The following AGXT2 variants were observed in gnomAD, a reference collection of about 807,000 sequenced individuals.
AGXT2 encodes alanine--glyoxylate aminotransferase 2, mitochondrial.
AGXT2 carries 61 observed loss-of-function variants against 62.5 expected under a neutral mutation model. That is an observed-to-expected ratio of 0.98 (90% CI 0.79 to 1.21). The LOEUF (loss-of-function observed/expected upper bound fraction) is 1.21. Ranked by LOEUF, AGXT2 falls within the 50% of genes most tolerant of loss-of-function variation. AGXT2 has a pLI of 0.00. For synonymous variants in AGXT2, 243 were observed against 218.7 expected (o/e 1.11, Z -0.98); for missense variants, 666 against 641.5 (o/e 1.04, Z -0.41).
In AGXT2 at chr5:35,006,042, A is replaced by G. The variant is rs1225127214; in HGVS notation, c.1339-2181T>C. ...CATGTTTTAAAAAATAAGTCATTTA[A>G]TAACGTTTGGCAATTTCCTTTTAAT... is the stretch of plus-strand genomic sequence containing the variant. On this transcript the variant is annotated intron_variant, in intron 12 of 13. Transcript: ENST00000231420. Among the ~76,000 whole-genome samples the G allele has an allele frequency of 3.3e-5, 5 of 152,148 alleles. No individual in the cohort carries two copies. The East Asian group carries it at 9.7e-4, about 29-fold the overall frequency.
rs183816070 is a variant in AGXT2 at position 35,011,367 on chromosome 5, T to C, written c.1189-1218A>G. 6.0e-5 allele frequency among the ~76,000 whole-genome samples: 9 copies of C among 149,978 alleles called. No individual in the cohort carries two copies. The Admixed American group carries it at 6.1e-4, about 10-fold the overall frequency. ...CCCAGCTACTTGGGATGCTGAGGCA[T>C]GAGAATCGCTTGAACCTGGGAGGCA... On this transcript the variant is annotated intron_variant, in intron 11 of 13. Coordinates refer to ENST00000231420, the MANE Select transcript of AGXT2 (RefSeq NM_031900.4).
At chr5:35,026,534 A>AGC in intron 7 of AGXT2, 24 bp from the exon 8 acceptor site, 1 of 1,589,110 alleles carries the variant, frequency 6.3e-7, no homozygotes, top group Non-Finnish European at 8.6e-7. Context: ...ACAACAAAAC[A>AGC]AAACAAACCA....
intron 1 of AGXT2, among the ~76,000 whole-genome samples, chr5:35,045,969 G>T (rs1467114651): frequency 6.6e-6 from 1 of 151,798 alleles, no homozygotes; most frequent in Non-Finnish European, 1.5e-5. Flanking sequence ...GGGTTTCCCC[G>T]TGTTAGCCAG....
chr5:35,039,565 T>C, intron 2 of AGXT2, 57 bp from the exon 3 acceptor site: 1 of 1,571,694 alleles, frequency 6.4e-7, no homozygotes, highest in South Asian at 1.1e-5. Context: ...TAGCAGTCAA[T>C]CTATGAGTAA....
chr5:35,010,610 G>A (rs1561214487), intron 11 of AGXT2, among the ~76,000 whole-genome samples: 3 of 152,232 alleles, frequency 2.0e-5, no homozygotes, highest in African/African-American at 4.8e-5. Flanking sequence ...GCTTGAATCC[G>A]GGAGGAGGAG....
At chr5:35,019,300 C>T in intron 9 of AGXT2, among the ~76,000 whole-genome samples, 1 of 149,306 alleles carries the variant, frequency 6.7e-6, no homozygotes, top group East Asian at 1.9e-4. Flanking sequence ...CACACCTATT[C>T]AAAAATTGAC....
At position 35,013,011 on chromosome 5, in the gene AGXT2, G is replaced by A. The variant is rs574431191; in HGVS notation, c.1131C>T (p.His377=). Residue 377 remains histidine, a synonymous_variant, in exon 11 of 14, where the codon CAC becomes CAT. Coordinates refer to ENST00000231420, the MANE Select transcript of AGXT2 (RefSeq NM_031900.4). ...TGGGGTTCCCTCCAAAGGTGTTGAA[G>A]TGCTGCAGGCATTTCGCCAAAGATT... The part of the protein sequence containing the change: ...IAKSLAKCLQ[H]FNTFGGNPMA... 1.3e-6 allele frequency: 2 copies of A among 1,551,730 alleles called. No individual in the cohort carries two copies. The highest frequency in any genetic ancestry group is 2.4e-5 in the East Asian group (1 of 40,916).
At chr5:35,013,846 T>C (rs1287568362) in intron 10 of AGXT2, 141 bp downstream of exon 10, 2 of 1,314,282 alleles carry the variant, frequency 1.5e-6, no homozygotes, top group Middle Eastern at 5.1e-4. Flanking sequence ...AGACAGACTG[T>C]TTCTCTCTTT....
Position 35,003,839 on chromosome 5 carries a change from C to T in AGXT2, c.1361G>A (p.Arg454His), listed in dbSNP as rs1163066610. Residue 454 changes from arginine to histidine, a missense_variant, in exon 13 of 14, where the codon CGT becomes CAT. Transcript: ENST00000231420. ...QDKISCRPLP[R>H]EEVNQIHEDC... The stretch of plus-strand genomic sequence containing the variant: ...CTCATGGATCTGATTTACTTCTTCA[C>T]GGGGAAGAGGCCGACAGCTTATCTG... 3 of 1,613,964 alleles carry T rather than the reference C, an allele frequency of 1.9e-6. No homozygotes were observed. Among genetic ancestry groups the T allele is most frequent in the African/African-American group, 1.3e-5 (1 of 74,886 alleles).
intron 9 of AGXT2, among the ~76,000 whole-genome samples, chr5:35,016,633 G>A (rs1766859038): frequency 6.6e-6 from 1 of 152,078 alleles, no homozygotes; most frequent in South Asian, 2.1e-4. Context: ...TAGGACATGA[G>A]CCTGCCGTCT....
chr5:35,012,500 A>T (rs543689271), intron 11 of AGXT2: 44 of 161,468 alleles, frequency 2.7e-4, no homozygotes, highest in Non-Finnish European at 4.9e-4. Flanking sequence ...GGCTAAATCA[A>T]TGGTGTAGGG....
intron 7 of AGXT2, among the ~76,000 whole-genome samples, chr5:35,028,006 G>C (rs1323516601): frequency 1.3e-5 from 2 of 151,476 alleles, no homozygotes; most frequent in African/African-American, 4.9e-5. Flanking sequence ...CCTCTTGGGG[G>C]CTCCAGCTTT....
rs373994354 is a variant in AGXT2 at position 35,003,785 on chromosome 5, C to G, written c.1415G>C (p.Gly472Ala). The G allele has an allele frequency of 3.7e-6, 6 of 1,614,034 alleles. No individual in the cohort carries two copies. The highest frequency in any genetic ancestry group is 5.1e-6 in the Non-Finnish European group (6 of 1,180,032). The change falls in exon 13 of 14, where the codon GGC becomes GCC. Residue 472 changes from glycine (G) to alanine (A), a missense_variant. By Grantham distance (60) the Gly-to-Ala change is moderately conservative (BLOSUM62 0). Coordinates refer to ENST00000231420, the MANE Select transcript of AGXT2 (RefSeq NM_031900.4). Reference sequence around the variant, plus strand: ...TACCTGAGAAAAAATGCTGCCTCTGCCAACGAGGAGTCCCATGTGCTTGCA... The same window carrying G: ...TACCTGAGAAAAAATGCTGCCTCTGGCAACGAGGAGTCCCATGTGCTTGCA... ...EDCKHMGLLV[G>A]RGSIFSQTFR...
intron 13 of AGXT2, among the ~76,000 whole-genome samples, chr5:34,999,220 C>A (rs1202331428): frequency 2.6e-5 from 4 of 152,222 alleles, no homozygotes; most frequent in African/African-American, 9.6e-5. Context: ...CCTTCTGCAA[C>A]CATTCATACC....
intron 9 of AGXT2, among the ~76,000 whole-genome samples, chr5:35,020,974 T>C (rs1216836538): frequency 1.3e-5 from 2 of 152,172 alleles, no homozygotes; most frequent in African/African-American, 2.4e-5. Flanking sequence ...CCATTCACAA[T>C]TGCTTCAAAG....
At position 35,025,780 on chromosome 5, in the gene AGXT2, C is replaced by T. The variant is rs776817333; in HGVS notation, c.946G>A (p.Val316Met). 1.9e-5 allele frequency: 31 copies of T among 1,613,992 alleles called. No individual in the cohort carries two copies. In the South Asian group the frequency reaches 2.0e-4, roughly 10 times the overall value. Reference sequence around the variant, plus strand: ...CCACTTACTTCATCTGCAATGCACACGCCTCCCCTTGCTCGCACCAGCTCA... The same window carrying T: ...CCACTTACTTCATCTGCAATGCACATGCCTCCCCTTGCTCGCACCAGCTCA... ...AFELVRARGG[V>M]CIADEVQTGF... The change falls in exon 9 of 14, where the codon GTG becomes ATG. Residue 316 changes from valine to methionine, a missense_variant. By Grantham distance (21) the Val-to-Met change is conservative. Transcript: ENST00000231420.
At chr5:35,001,212 A>T (rs163908) in intron 13 of AGXT2, among the ~76,000 whole-genome samples, 75,657 of 152,112 alleles carry the variant, frequency 0.5, 19,218 homozygotes, top group East Asian at 0.63. Context: ...TGAGATGTTT[A>T]TGAACACCTT....
chr5:35,030,667 T>C (rs1050186016), intron 7 of AGXT2, among the ~76,000 whole-genome samples: 9 of 152,208 alleles, frequency 5.9e-5, no homozygotes, highest in African/African-American at 1.9e-4. Context: ...TTGGCTTAAG[T>C]AGTCCTATAG....
At chr5:35,044,731 C>T (rs1768122401) in intron 1 of AGXT2, among the ~76,000 whole-genome samples, 1 of 152,082 alleles carries the variant, frequency 6.6e-6, no homozygotes, top group Non-Finnish European at 1.5e-5. Context: ...TGTCCACAAG[C>T]AAGAGCACTC....
Sources: allele counts gnomAD v4.1 joint callset (sites outside exome capture counted in the v4.1 genomes callset), GRCh38; gene constraint gnomAD v4.1.1; transcripts MANE v1.5; gene names NCBI Gene and HGNC (gene_info 2026-07-23, HGNC 2026-07-21).